PCDHGB3: variants seen among roughly 807,000 people sequenced by gnomAD.
PCDHGB3 encodes protocadherin gamma subfamily B, 3.
A neutral mutation model predicts 59.2 loss-of-function variants in PCDHGB3; 40 were observed. That is an observed-to-expected ratio of 0.68 (90% confidence interval 0.52 to 0.88). PCDHGB3 has a LOEUF of 0.88. PCDHGB3 is among the 40% of genes least tolerant of loss of function. The probability of loss-of-function intolerance (pLI) is 0.00; values close to 1 mark genes in which losing one functional copy is unlikely to be tolerated. For synonymous variants in PCDHGB3, 581 were observed against 503.6 expected (o/e 1.15, Z -2.06); for missense variants, 1,309 against 1,187.9 (o/e 1.10, Z -1.50).
chr5:141,423,149 A>G (rs763488632), intron 1 of PCDHGB3: 2 of 1,613,554 alleles, frequency 1.2e-6, no homozygotes, highest in Non-Finnish European at 8.5e-7. Context: ...GCGCTCAAGC[A>G]GAGCCTCGTG....
At position 141,447,650 on chromosome 5, in the gene PCDHGB3, T is replaced by C. The variant is rs555134653; in HGVS notation, c.2416-47157T>C. Reference sequence around the variant, plus strand: ...AACAGTATGAATGATGGTAGAATTTTCCCCCCCAGGAAGTTAGAACTGTTC... The same window carrying C: ...AACAGTATGAATGATGGTAGAATTTCCCCCCCCAGGAAGTTAGAACTGTTC... On this transcript the variant is annotated intron_variant, in intron 1 of 3. Transcript: ENST00000576222. Among the ~76,000 whole-genome samples, 24 of 152,106 alleles carry C rather than the reference T, an allele frequency of 1.6e-4. No homozygotes were observed. The South Asian group carries it at 2.3e-3, about 15-fold the overall frequency.
At chr5:141,404,568 G>A (rs2094540345) in intron 1 of PCDHGB3, 1 of 1,613,868 alleles carries the variant, frequency 6.2e-7, no homozygotes, top group Non-Finnish European at 8.5e-7. Flanking sequence ...GACAGTGGAA[G>A]CCCACCACTT....
chr5:141,403,318 A>G, intron 1 of PCDHGB3: 1 of 1,613,982 alleles, frequency 6.2e-7, no homozygotes, highest in Non-Finnish European at 8.5e-7. Flanking sequence ...TAGAAATAGA[A>G]GTAACTGATA....
At chr5:141,399,194 C>G in intron 1 of PCDHGB3, 1 of 1,613,838 alleles carries the variant, frequency 6.2e-7, no homozygotes, top group Non-Finnish European at 8.5e-7. Context: ...CTGGAAAACG[C>G]GGTGCCTGGA....
chr5:141,392,976 G>T (rs892304367), intron 1 of PCDHGB3: 1 of 1,613,866 alleles, frequency 6.2e-7, no homozygotes, highest in South Asian at 1.1e-5. Flanking sequence ...CCTGGGGCTG[G>T]ACCCCCGGAA....
At chr5:141,413,102 G>A in intron 1 of PCDHGB3, 1 of 1,480,778 alleles carries the variant, frequency 6.8e-7, no homozygotes, top group Non-Finnish European at 9.1e-7. Context: ...TGAAGCCACA[G>A]AAAGACAAAG....
intron 1 of PCDHGB3, chr5:141,382,970 G>A (rs776231859): frequency 1.9e-6 from 3 of 1,609,444 alleles, no homozygotes; most frequent in Non-Finnish European, 2.5e-6. Context: ...GGGACCCCCT[G>A]GGAAGCCTGG....
At chr5:141,484,790 A>T (rs1562101198) in intron 1 of PCDHGB3, among the ~76,000 whole-genome samples, 1 of 152,076 alleles carries the variant, frequency 6.6e-6, no homozygotes, top group Admixed American at 6.6e-5. Flanking sequence ...CACAGAGATA[A>T]CAACCCGTGG....
At chr5:141,408,816 A>T in intron 1 of PCDHGB3, 1 of 1,613,562 alleles carries the variant, frequency 6.2e-7, no homozygotes, top group East Asian at 2.2e-5. Flanking sequence ...CGGGAAGAAC[A>T]GAGATCTCAT....
intron 1 of PCDHGB3, chr5:141,389,608 T>C (rs1458951980): frequency 1.9e-6 from 3 of 1,613,138 alleles, no homozygotes; most frequent in East Asian, 2.2e-5. Context: ...CTCTTCGATA[T>C]GGTGCCGCAC....
At chr5:141,479,200 AAAGT>A (rs1430087636) in intron 1 of PCDHGB3, 5 of 152,466 alleles carry the variant, frequency 3.3e-5, no homozygotes, top group African/African-American at 1.2e-4. Flanking sequence ...AAAATACAGA[AAAGT>A]ATTTAAAAAA....
chr5:141,383,186 G>A (rs760844021), intron 1 of PCDHGB3: 4 of 1,614,100 alleles, frequency 2.5e-6, no homozygotes, highest in Non-Finnish European at 3.4e-6. Flanking sequence ...GAAGAGATCT[G>A]CGCTCAGAGT....
intron 1 of PCDHGB3, chr5:141,424,789 A>T (rs538504226): frequency 2.0e-5 from 3 of 152,238 alleles, no homozygotes; most frequent in African/African-American, 7.2e-5. Flanking sequence ...CAGTTCTTTT[A>T]TTCAGACCAA....
chr5:141,415,740 G>GTTTTTTTTTTTTTTTTTTTTT (rs57426385), intron 1 of PCDHGB3: 5 of 625,024 alleles, frequency 8.0e-6, no homozygotes, highest in Non-Finnish European at 8.5e-6. Flanking sequence ...GTTTATTAAG[G>GTTTTTTTTTTTTTTTTTTTTT]TTTTTTTTTT....
intron 2 of PCDHGB3, among the ~76,000 whole-genome samples, chr5:141,497,076 C>T (rs1052240279): frequency 5.9e-5 from 9 of 151,826 alleles, no homozygotes; most frequent in Non-Finnish European, 8.8e-5. Context: ...GTAATCCCAG[C>T]GACTTAGGAG....
chr5:141,375,743 G>C, intron 1 of PCDHGB3: 2 of 1,614,238 alleles, frequency 1.2e-6, no homozygotes, highest in East Asian at 2.2e-5. Flanking sequence ...GTTTGTGCTG[G>C]ACCAGAATGA....
At chr5:141,426,423 G>T in intron 1 of PCDHGB3, 1 of 290,954 alleles carries the variant, frequency 3.4e-6, no homozygotes, top group Non-Finnish European at 6.8e-6. Context: ...AGGGCTCCGT[G>T]GTGGGGAACC....
At chr5:141,378,315 G>A (rs933879461) in intron 1 of PCDHGB3, 5 of 152,248 alleles carry the variant, frequency 3.3e-5, no homozygotes, top group African/African-American at 1.2e-4. Context: ...ACGAAGTCAG[G>A]AGTTCGAGAC....
chr5:141,436,962 C>A (rs1462988296), intron 1 of PCDHGB3, among the ~76,000 whole-genome samples: 1 of 152,144 alleles, frequency 6.6e-6, no homozygotes, highest in Non-Finnish European at 1.5e-5. Context: ...AAACAAGGAT[C>A]TTGTGAAACT....
Sources: allele counts gnomAD v4.1 joint callset (sites outside exome capture counted in the v4.1 genomes callset), GRCh38; gene constraint gnomAD v4.1.1; transcripts MANE v1.5; gene names NCBI Gene and HGNC (gene_info 2026-07-23, HGNC 2026-07-21).